GLI3: variants seen among roughly 807,000 people sequenced by gnomAD.
GLI3 encodes GLI family zinc finger 3.
A neutral mutation model predicts 100.8 loss-of-function variants in GLI3; 20 were observed. The ratio of observed to expected loss-of-function variants is 0.20; its 90% CI spans 0.14 to 0.29. The LOEUF (loss-of-function observed/expected upper bound fraction) is 0.29. Among genes scored for constraint, GLI3 ranks in the 10% least tolerant of loss-of-function variants. The pLI is 1.00. For missense variants in GLI3, 2,040 were observed against 2,128.5 expected (o/e 0.96, Z 0.82); for synonymous variants, 938 against 860.5 (o/e 1.09, Z -1.58).
chr7:42,018,539 C>G (rs1028713375), intron 10 of GLI3, among the ~76,000 whole-genome samples: 3 of 152,222 alleles, frequency 2.0e-5, no homozygotes, highest in African/African-American at 7.2e-5. Context: ...CATCCTAACT[C>G]TTCCTTGCGT....
chr7:42,063,736 G>A (rs1266522964), intron 4 of GLI3, among the ~76,000 whole-genome samples: 1 of 152,178 alleles, frequency 6.6e-6, no homozygotes, highest in African/African-American at 2.4e-5. Flanking sequence ...CAGACACTGT[G>A]TTAAGTGCTA....
At chr7:42,172,690 G>C in intron 2 of GLI3, 1 of 699,052 alleles carries the variant, frequency 1.4e-6, no homozygotes, top group Non-Finnish European at 2.6e-6. Flanking sequence ...TGGTTGCCTG[G>C]GAGAAGGGGA....
chr7:42,015,337 C>T (rs1788727441), intron 10 of GLI3, among the ~76,000 whole-genome samples: 1 of 152,084 alleles, frequency 6.6e-6, no homozygotes, highest in Non-Finnish European at 1.5e-5. Flanking sequence ...AAGGCCTTGG[C>T]TTACACATTG....
chr7:42,112,785 T>C (rs1053796887), intron 3 of GLI3, among the ~76,000 whole-genome samples: 11 of 149,884 alleles, frequency 7.3e-5, no homozygotes, highest in Admixed American at 1.3e-4. Context: ...ATCCCCACTG[T>C]AGAGGTGCAT....
At chr7:41,991,233 A>G (rs950038497) in intron 10 of GLI3, among the ~76,000 whole-genome samples, 34 of 152,208 alleles carry the variant, frequency 2.2e-4, no homozygotes, top group Admixed American at 9.2e-4. Context: ...AGCTACTCAG[A>G]AGAATGCATG....
In GLI3 at chr7:41,966,327, G is replaced by T; in HGVS notation, c.2746C>A (p.Pro916Thr). The T allele has an allele frequency of 6.2e-7, 1 of 1,607,544 alleles. No individual in the cohort carries two copies. ...GCGGGCGTGAGGCTGAGCAGGCTGG[G>T]CAGGCCGTCGCTCTGGCTGGCTTCG... is the stretch of plus-strand genomic sequence containing the variant. The part of the protein sequence containing the change: ...SSEASQSDGL[P>T]SLLSLTPAQQ... The change falls in exon 15 of 15, where the codon CCC becomes ACC. Residue 916 changes from proline to threonine, a missense_variant. Around this residue, in one of 5 missense-constraint regions of GLI3, gnomAD observed 1,041 missense variants for 924.0 expected, o/e 1.13. Coordinates refer to ENST00000395925, the MANE Select transcript of GLI3 (RefSeq NM_000168.6). This position sits in a 1 kb window ranked among gnomAD's most constrained non-coding sequence, Gnocchi z 5.8.
intron 11 of GLI3, 36 bp downstream of exon 11, chr7:41,978,563 G>C (rs759807862): frequency 8.1e-6 from 13 of 1,607,752 alleles, no homozygotes; most frequent in Middle Eastern, 1.7e-4. Flanking sequence ...TATGGGGAAG[G>C]ACCCAAGTGT....
intron 2 of GLI3, among the ~76,000 whole-genome samples, chr7:42,178,071 G>A (rs1787515789): frequency 6.6e-6 from 1 of 152,242 alleles, no homozygotes; most frequent in Non-Finnish European, 1.5e-5. Flanking sequence ...ATTCAGCTGA[G>A]AATCTGAGGG....
chr7:41,966,219 T>A lies in GLI3; in HGVS notation c.2854A>T (p.Ser952Cys), dbSNP rs1247847420. ...AGCAGCGCCAGGCGCGTCTTCAGGCTCATCCTCTCCATGTTGGGCAGGGGC... is the reference window on the plus strand; with the variant it reads ...AGCAGCGCCAGGCGCGTCTTCAGGCACATCCTCTCCATGTTGGGCAGGGGC... ...PTPLPNMERMSLKTRLALLGD... is the reference protein window; with the variant it reads ...PTPLPNMERMCLKTRLALLGD... Residue 952 changes from serine (S) to cysteine (C), a missense_variant, in exon 15 of 15, where the codon AGC becomes TGC. Physicochemically the swap from Ser to Cys is moderately radical, Grantham distance 112 (BLOSUM62 -1). Transcript: ENST00000395925. The surrounding 1 kb of genome is among the most constrained non-coding windows in gnomAD (Gnocchi z 5.8). 17 of 1,608,420 alleles carry A rather than the reference T, an allele frequency of 1.1e-5. No homozygotes were observed. The highest frequency in any genetic ancestry group is 1.4e-5 in the Non-Finnish European group (17 of 1,178,974).
At position 42,030,950 on chromosome 7, in the gene GLI3, C is replaced by T. The variant is rs370980601; in HGVS notation, c.1029-4538G>A. Among the ~76,000 whole-genome samples the T allele has an allele frequency of 5.2e-3, 791 of 152,186 alleles. 1 individual carries two copies. Among genetic ancestry groups the T allele is most frequent in the Non-Finnish European group, 8.4e-3 (569 of 68,006 alleles). ...GCCAGGCTAGTCTTGAACTCCTGAC[C>T]TCAAGTGATCCGGCCGCCTCGGCCT... On this transcript the variant is annotated intron_variant, in intron 7 of 14. Coordinates refer to ENST00000395925, the MANE Select transcript of GLI3 (RefSeq NM_000168.6).
At chr7:42,257,021 A>T (rs1789091365) in intron 1 of GLI3, among the ~76,000 whole-genome samples, 1 of 151,988 alleles carries the variant, frequency 6.6e-6, no homozygotes, top group East Asian at 1.9e-4. Flanking sequence ...CTAAATTTTT[A>T]TTCTTTTTGA....
At chr7:42,178,174 C>A (rs1247493771) in intron 2 of GLI3, among the ~76,000 whole-genome samples, 1 of 152,230 alleles carries the variant, frequency 6.6e-6, no homozygotes, top group Non-Finnish European at 1.5e-5. Context: ...TGTCCACACA[C>A]TCAACTGCTC....
At chr7:42,056,798 AAAATAAATAAATAAAT>A (rs553929567) in intron 4 of GLI3, among the ~76,000 whole-genome samples, 2 of 148,398 alleles carry the variant, frequency 1.3e-5, no homozygotes, top group African/African-American at 5.0e-5. Context: ...TAAAAATACA[AAAATAAATAAATAAAT>A]AAATAAATAA....
intron 2 of GLI3, among the ~76,000 whole-genome samples, chr7:42,149,515 A>T (rs1786805177): frequency 6.6e-6 from 1 of 152,230 alleles, no homozygotes; most frequent in Admixed American, 6.5e-5. Flanking sequence ...ATCTCTTTGA[A>T]TCATACATGA....
At chr7:42,051,645 A>G (rs1386600414) in intron 4 of GLI3, among the ~76,000 whole-genome samples, 1 of 152,206 alleles carries the variant, frequency 6.6e-6, no homozygotes, top group Non-Finnish European at 1.5e-5. Flanking sequence ...GTGTGATTTC[A>G]AATATTGAAA....
In GLI3 at chr7:42,132,860, A is replaced by T. The variant is rs530547303; in HGVS notation, c.367+15366T>A. Among the ~76,000 whole-genome samples the T allele has an allele frequency of 8.5e-5, 13 of 152,298 alleles. No homozygotes were observed. The South Asian group carries it at 1.0e-3, about 12-fold the overall frequency. ...TTAGCAGAGCATCATCTTAGGAAACATTAAACTGAGACTGGAAAAAAGACC... is the reference window on the plus strand; with the variant it reads ...TTAGCAGAGCATCATCTTAGGAAACTTTAAACTGAGACTGGAAAAAAGACC... On this transcript the variant is annotated intron_variant, in intron 3 of 14. Transcript: ENST00000395925.
chr7:42,056,168 A>G (rs1489624595), intron 4 of GLI3, among the ~76,000 whole-genome samples: 1 of 152,228 alleles, frequency 6.6e-6, no homozygotes, highest in Non-Finnish European at 1.5e-5. Flanking sequence ...AGTCTCGGGC[A>G]TGTCTTTATC....
intron 2 of GLI3, among the ~76,000 whole-genome samples, chr7:42,205,635 T>C (rs1404074666): frequency 1.3e-5 from 2 of 152,224 alleles, no homozygotes; most frequent in East Asian, 3.8e-4. Context: ...TCAACGTACC[T>C]GCAACTTTCA....
chr7:42,073,575 T>C (rs535801979), intron 4 of GLI3, among the ~76,000 whole-genome samples: 1 of 152,348 alleles, frequency 6.6e-6, no homozygotes, highest in South Asian at 2.1e-4. Context: ...GGGTGGTTTA[T>C]CTAAAAAGAG....
Sources: gnomAD v4.1 joint callset for allele counts (sites outside exome capture counted in the v4.1 genomes callset) on GRCh38, gnomAD v4.1.1 for gene constraint, gnomAD v4.1.1 regional missense constraint, Gnocchi (gnomAD v3.1) non-coding constraint, MANE v1.5 for transcripts, NCBI Gene and HGNC (gene_info 2026-07-23, HGNC 2026-07-21) for gene names.